BCKDHB: variants seen among roughly 807,000 people sequenced by gnomAD.
BCKDHB encodes 2-oxoisovalerate dehydrogenase subunit beta, mitochondrial.
A neutral mutation model predicts 48.5 loss-of-function variants in BCKDHB; 41 were observed. That is an observed-to-expected ratio of 0.85 (90% CI 0.66 to 1.10). BCKDHB has a LOEUF of 1.10. BCKDHB is among the 50% of genes least tolerant of loss of function. The pLI is 0.00. For synonymous variants in BCKDHB, 201 were observed against 174.8 expected (o/e 1.15, Z -1.18); for missense variants, 496 against 494.2 (o/e 1.00, Z -0.03).
chr6:80,107,520 T>TATATGCAC (rs1769170179), intron 1 of BCKDHB, among the ~76,000 whole-genome samples: 1 of 131,696 alleles, frequency 7.6e-6, no homozygotes, highest in Admixed American at 7.2e-5. Context: ...TGCGCATATA[T>TATATGCAC]ATATATATGC....
At chr6:80,406,877 T>A in the BCKDHB span, among the ~76,000 whole-genome samples, 12 of 152,134 alleles carry the variant, frequency 7.9e-5, no homozygotes, top group Non-Finnish European at 1.6e-4. Context: ...CCCATTTGTC[T>A]ATTTTGGCTT....
At chr6:80,323,921 C>T (rs1296398735) in intron 9 of BCKDHB, among the ~76,000 whole-genome samples, 3 of 152,118 alleles carry the variant, frequency 2.0e-5, no homozygotes, top group Non-Finnish European at 4.4e-5. Context: ...TACAGGCGCC[C>T]GCCACTACGG....
chr6:80,317,192 T>C (rs1768491631), intron 9 of BCKDHB, among the ~76,000 whole-genome samples: 3 of 152,174 alleles, frequency 2.0e-5, no homozygotes, highest in Admixed American at 2.0e-4. Flanking sequence ...AAGATATCTG[T>C]GTTTTCTATT....
At chr6:80,385,821 A>G in the BCKDHB span, among the ~76,000 whole-genome samples, 2 of 152,230 alleles carry the variant, frequency 1.3e-5, no homozygotes, top group Non-Finnish European at 2.9e-5. Flanking sequence ...GACAACAGGC[A>G]TGGGAATGGA....
intron 8 of BCKDHB, among the ~76,000 whole-genome samples, chr6:80,268,038 T>G (rs1397588678): frequency 6.6e-6 from 1 of 152,090 alleles, no homozygotes; most frequent in Non-Finnish European, 1.5e-5. Flanking sequence ...GGACTGTTTT[T>G]TTGTTGTTGT....
chr6:80,167,660 T>C lies in BCKDHB; in HGVS notation c.344-18T>C, dbSNP rs1430835401. On this transcript the variant is annotated intron_variant, in intron 3 of 9. Transcript: ENST00000320393. ...CTCTCATTTGCCACATTAACCTTTTTTTCTTTTCTATTTTAAGGAAAAGAT... is the reference window on the plus strand; with the variant it reads ...CTCTCATTTGCCACATTAACCTTTTCTTCTTTTCTATTTTAAGGAAAAGAT... 1 of 1,593,618 alleles carries C rather than the reference T, an allele frequency of 6.3e-7. No homozygotes were observed. Among genetic ancestry groups the C allele is most frequent in the Non-Finnish European group, 8.6e-7 (1 of 1,161,652 alleles).
chr6:80,408,655 T>C, the BCKDHB span, among the ~76,000 whole-genome samples: 1 of 152,158 alleles, frequency 6.6e-6, no homozygotes, highest in Non-Finnish European at 1.5e-5. Context: ...GAGGTGTTTA[T>C]GGTATTCTCT....
chr6:80,166,443 G>A (rs1311922896), intron 3 of BCKDHB, among the ~76,000 whole-genome samples: 1 of 152,054 alleles, frequency 6.6e-6, no homozygotes, highest in Non-Finnish European at 1.5e-5. Flanking sequence ...ATCACCTGAG[G>A]TCAGGAGTTC....
At chr6:80,175,093 G>A (rs1184037516) in intron 6 of BCKDHB, among the ~76,000 whole-genome samples, 2 of 152,094 alleles carry the variant, frequency 1.3e-5, no homozygotes, top group Admixed American at 6.6e-5. Context: ...TCAAGGTACC[G>A]GGCCTCTTCT....
At chr6:80,214,642 G>A (rs1775086684) in intron 8 of BCKDHB, among the ~76,000 whole-genome samples, 1 of 152,142 alleles carries the variant, frequency 6.6e-6, no homozygotes, top group Non-Finnish European at 1.5e-5. Flanking sequence ...AAGTTTCATG[G>A]TTAATACCAC....
intron 9 of BCKDHB, among the ~76,000 whole-genome samples, chr6:80,336,505 A>C (rs200908407): frequency 8.9e-6 from 1 of 112,844 alleles, no homozygotes; most frequent in Non-Finnish European, 2.0e-5. Flanking sequence ...CCAAAAAAAC[A>C]AAAAAAAACC....
chr6:80,145,771 A>G (rs1771454075), intron 3 of BCKDHB, among the ~76,000 whole-genome samples: 1 of 152,170 alleles, frequency 6.6e-6, no homozygotes, highest in Non-Finnish European at 1.5e-5. Flanking sequence ...TGATACCATT[A>G]CCACATTGAC....
chr6:80,392,369 T>TTTTTA, the BCKDHB span, among the ~76,000 whole-genome samples: 4,511 of 152,060 alleles, frequency 0.03, 175 homozygotes, highest in East Asian at 0.11. Flanking sequence ...TGTATTTTTT[T>TTTTTA]TTTATTTATT....
At chr6:80,201,861 T>C (rs1743621007) in intron 7 of BCKDHB, among the ~76,000 whole-genome samples, 1 of 152,212 alleles carries the variant, frequency 6.6e-6, no homozygotes, top group East Asian at 1.9e-4. Context: ...TTAGGAAATT[T>C]AGGGCAATGC....
At chr6:80,226,031 C>A (rs527912134) in intron 8 of BCKDHB, among the ~76,000 whole-genome samples, 2 of 152,248 alleles carry the variant, frequency 1.3e-5, no homozygotes, top group East Asian at 3.9e-4. Flanking sequence ...TACTCTTAAT[C>A]CTTAATCCTT....
chr6:80,172,696 A>T (rs921025690), intron 6 of BCKDHB, among the ~76,000 whole-genome samples: 1 of 152,120 alleles, frequency 6.6e-6, no homozygotes, highest in Non-Finnish European at 1.5e-5. Context: ...GTATGAATAG[A>T]TCACAATTAA....
chr6:80,331,960 G>T (rs1335277228), intron 9 of BCKDHB, among the ~76,000 whole-genome samples: 1 of 151,968 alleles, frequency 6.6e-6, no homozygotes, highest in Non-Finnish European at 1.5e-5. Flanking sequence ...TCATTTGGGG[G>T]GGACTAGGAA....
At chr6:80,207,458 AAAAT>A (rs949534401) in intron 8 of BCKDHB, among the ~76,000 whole-genome samples, 1 of 151,912 alleles carries the variant, frequency 6.6e-6, no homozygotes, top group African/African-American at 2.4e-5. Flanking sequence ...TGGTTAATCC[AAAAT>A]AAATAAGTAT....
intron 3 of BCKDHB, among the ~76,000 whole-genome samples, chr6:80,160,803 T>C (rs1772274623): frequency 1.3e-5 from 2 of 152,214 alleles, no homozygotes; most frequent in South Asian, 4.1e-4. Context: ...ATTCCACACA[T>C]GTTTTCATTG....
Sources: allele counts gnomAD v4.1 joint callset (sites outside exome capture counted in the v4.1 genomes callset), GRCh38; gene constraint gnomAD v4.1.1; transcripts MANE v1.5; gene names NCBI Gene and HGNC (gene_info 2026-07-23, HGNC 2026-07-21).